The following LRRC37A2 variants were observed in gnomAD, a reference collection of about 807,000 sequenced individuals.
LRRC37A2 encodes leucine-rich repeat-containing protein 37A2.
A neutral mutation model predicts 68.8 loss-of-function variants in LRRC37A2; 9 were observed. That is an observed-to-expected ratio of 0.13 (90% CI 0.08 to 0.23). LRRC37A2 has a LOEUF of 0.23. LRRC37A2 is among the 10% of genes least tolerant of loss of function. LRRC37A2 has a pLI of 1.00. For synonymous variants in LRRC37A2, 63 were observed against 367.6 expected (o/e 0.17, Z 9.48); for missense variants, 168 against 950.4 (o/e 0.18, Z 10.82).
At chr17:46,493,048 C>T in the LRRC37A2 span, among the ~76,000 whole-genome samples, 167 of 140,654 alleles carry the variant, frequency 1.2e-3, 7 homozygotes, top group African/African-American at 4.5e-3. Flanking sequence ...GTGGTAGCTT[C>T]TTCTGGTTTT....
chr17:46,697,453 G>A, the LRRC37A2 span, among the ~76,000 whole-genome samples: 10 of 148,628 alleles, frequency 6.7e-5, no homozygotes, highest in South Asian at 4.2e-4. Context: ...CTCGTGATCC[G>A]CCCGCCTCAG....
the LRRC37A2 span, chr17:46,929,894 T>C: frequency 3.6e-6 from 1 of 278,886 alleles, no homozygotes; most frequent in Non-Finnish European, 6.9e-6. Flanking sequence ...TCCATAAAAA[T>C]TCAGAGATGT....
the LRRC37A2 span, among the ~76,000 whole-genome samples, chr17:46,743,706 C>T: frequency 1.3e-5 from 2 of 152,326 alleles, no homozygotes; most frequent in Admixed American, 1.3e-4. Context: ...TTACAACTGG[C>T]CTGTCCTTGG....
At chr17:46,495,494 C>T in the LRRC37A2 span, among the ~76,000 whole-genome samples, 10 of 147,818 alleles carry the variant, frequency 6.8e-5, no homozygotes, top group Admixed American at 2.0e-4. Context: ...AAATTATTCT[C>T]GTGCCTCAGC....
chr17:46,934,130 C>T, the LRRC37A2 span, among the ~76,000 whole-genome samples: 1 of 152,210 alleles, frequency 6.6e-6, no homozygotes, highest in Non-Finnish European at 1.5e-5. Context: ...GGTAACAGGG[C>T]AGGCCCTGCG....
At chr17:46,820,209 G>A in the LRRC37A2 span, among the ~76,000 whole-genome samples, 1 of 152,234 alleles carries the variant, frequency 6.6e-6, no homozygotes, top group Admixed American at 6.5e-5. Context: ...CGCGGCTGCT[G>A]CCGGCACAGG....
the LRRC37A2 span, among the ~76,000 whole-genome samples, chr17:46,864,025 A>G: frequency 6.6e-6 from 1 of 152,222 alleles, no homozygotes; most frequent in Non-Finnish European, 1.5e-5. Flanking sequence ...CTGTGCAAAC[A>G]ATGGCACTGT....
chr17:46,829,839 T>A, the LRRC37A2 span, among the ~76,000 whole-genome samples: 1 of 152,050 alleles, frequency 6.6e-6, no homozygotes, highest in African/African-American at 2.4e-5. Context: ...AAGAACAAGT[T>A]CACATCCTGG....
At chr17:46,848,319 C>T in the LRRC37A2 span, among the ~76,000 whole-genome samples, 9 of 152,142 alleles carry the variant, frequency 5.9e-5, no homozygotes, top group Non-Finnish European at 1.2e-4. Flanking sequence ...ATGTTTACTG[C>T]CATAAAAAGG....
At chr17:46,978,876 C>T in the LRRC37A2 span, 3 of 1,559,524 alleles carry the variant, frequency 1.9e-6, no homozygotes, top group Admixed American at 1.9e-5. Flanking sequence ...TGGCGGCCAG[C>T]GGTGCGCCCC....
chr17:46,934,022 T>C, the LRRC37A2 span, among the ~76,000 whole-genome samples: 1 of 151,818 alleles, frequency 6.6e-6, no homozygotes, highest in East Asian at 1.9e-4. Context: ...AAGGGAACGC[T>C]CTCACAGCTG....
At chr17:46,936,405 A>G in the LRRC37A2 span, 1 of 985,340 alleles carries the variant, frequency 1.0e-6, no homozygotes, top group Non-Finnish European at 1.2e-6. Flanking sequence ...TGCCACCCAC[A>G]CTGATACCAG....
chr17:47,002,047 C>T, the LRRC37A2 span, among the ~76,000 whole-genome samples: 2 of 151,816 alleles, frequency 1.3e-5, no homozygotes, highest in Non-Finnish European at 1.5e-5. Flanking sequence ...TCCTGATCTG[C>T]TTTCTGTCAT....
the LRRC37A2 span, among the ~76,000 whole-genome samples, chr17:46,828,899 T>C: frequency 6.7e-6 from 1 of 148,180 alleles, no homozygotes; most frequent in African/African-American, 2.5e-5. Flanking sequence ...GAGGCAGAGG[T>C]TGCAGTGAGC....
At chr17:46,761,891 C>T in the LRRC37A2 span, among the ~76,000 whole-genome samples, 1 of 152,166 alleles carries the variant, frequency 6.6e-6, no homozygotes, top group East Asian at 1.9e-4. Flanking sequence ...TGAGAGGGTG[C>T]CCATCCCCAG....
the LRRC37A2 span, among the ~76,000 whole-genome samples, chr17:46,899,058 A>G: frequency 6.6e-6 from 1 of 152,206 alleles, no homozygotes; most frequent in Non-Finnish European, 1.5e-5. Context: ...TGGTATATCC[A>G]TACAATGGAA....
the LRRC37A2 span, chr17:46,952,667 G>A: frequency 2.6e-5 from 4 of 152,174 alleles, no homozygotes; most frequent in African/African-American, 9.7e-5. Context: ...TTCCAGCTAT[G>A]TGAGAGGCCA....
chr17:46,841,778 C>T, the LRRC37A2 span, among the ~76,000 whole-genome samples: 1 of 152,232 alleles, frequency 6.6e-6, no homozygotes, highest in South Asian at 2.1e-4. Flanking sequence ...ACAGGGAAGC[C>T]TGCATCCAGC....
the LRRC37A2 span, chr17:46,749,955 AG>A: frequency 6.3e-7 from 1 of 1,592,376 alleles, no homozygotes; most frequent in African/African-American, 1.3e-5. Context: ...AAAGGAATTG[AG>A]GCTGAAATAA....
Sources: gnomAD v4.1 joint callset for allele counts (sites outside exome capture counted in the v4.1 genomes callset) on GRCh38, gnomAD v4.1.1 for gene constraint, MANE v1.5 for transcripts, NCBI Gene and HGNC (gene_info 2026-07-23, HGNC 2026-07-21) for gene names.